SETBP1: variants seen among roughly 807,000 people sequenced by gnomAD.
SETBP1 encodes the protein SET-binding protein.
SETBP1 carries 9 observed loss-of-function variants against 101.0 expected under a neutral mutation model. The observed-to-expected ratio is 0.09, with a 90% confidence interval of 0.05 to 0.16. SETBP1 has a LOEUF of 0.16. Ranked by LOEUF, SETBP1 falls within the 10% of genes least tolerant of loss-of-function variation. The probability of loss-of-function intolerance (pLI) is 1.00; values close to 1 mark genes in which losing one functional copy is unlikely to be tolerated. For synonymous variants in SETBP1, 818 were observed against 788.5 expected (o/e 1.04, Z -0.63); for missense variants, 1,858 against 2,033.8 (o/e 0.91, Z 1.66).
At chr18:44,809,929 G>A (rs2071825529) in intron 2 of SETBP1, among the ~76,000 whole-genome samples, 1 of 152,206 alleles carries the variant, frequency 6.6e-6, no homozygotes, top group African/African-American at 2.4e-5. Flanking sequence ...AATAGCTAGT[G>A]TTGAGACCAC....
intron 4 of SETBP1, among the ~76,000 whole-genome samples, chr18:44,983,702 G>A (rs1039074197): frequency 5.3e-5 from 8 of 152,150 alleles, no homozygotes; most frequent in East Asian, 1.9e-4. Context: ...CAACAGCCAT[G>A]AGCCCATCAC....
At chr18:44,876,483 G>T in intron 3 of SETBP1, 2 of 950,310 alleles carry the variant, frequency 2.1e-6, no homozygotes, top group East Asian at 2.6e-5. Flanking sequence ...CTGTAGTGTG[G>T]ATTGAATTGG....
intron 3 of SETBP1, among the ~76,000 whole-genome samples, chr18:44,906,196 G>T (rs1448863543): frequency 6.6e-6 from 1 of 152,164 alleles, no homozygotes; most frequent in Non-Finnish European, 1.5e-5. Context: ...TCCAGAACTG[G>T]TCTGATTCTT....
chr18:44,734,675 T>C (rs2144420256), intron 2 of SETBP1, among the ~76,000 whole-genome samples: 1 of 152,264 alleles, frequency 6.6e-6, no homozygotes, highest in Non-Finnish European at 1.5e-5. Flanking sequence ...CCTTCCTTCC[T>C]GGTGTCCTCA....
chr18:44,868,655 A>C (rs2069182392), intron 2 of SETBP1, among the ~76,000 whole-genome samples: 1 of 146,364 alleles, frequency 6.8e-6, no homozygotes, highest in Non-Finnish European at 1.5e-5. Flanking sequence ...AGATCATGCC[A>C]CTGTACTCCA....
intron 4 of SETBP1, among the ~76,000 whole-genome samples, chr18:44,992,833 C>G (rs565325395): frequency 6.6e-6 from 1 of 152,116 alleles, no homozygotes; most frequent in East Asian, 1.9e-4. Flanking sequence ...GAACATTGAT[C>G]ACTCTCAAAC....
intron 2 of SETBP1, among the ~76,000 whole-genome samples, chr18:44,806,529 A>G (rs1362147663): frequency 6.7e-6 from 1 of 148,726 alleles, no homozygotes; most frequent in East Asian, 2.0e-4. Flanking sequence ...TGTGACTACT[A>G]GTAACACTTA....
intron 3 of SETBP1, among the ~76,000 whole-genome samples, chr18:44,926,505 C>T (rs2070708158): frequency 6.6e-6 from 1 of 152,146 alleles, no homozygotes; most frequent in Non-Finnish European, 1.5e-5. Flanking sequence ...CCCTCAGGGG[C>T]CCTCCCAGCT....
chr18:44,713,369 C>A (rs1040906153), intron 2 of SETBP1, among the ~76,000 whole-genome samples: 1 of 152,136 alleles, frequency 6.6e-6, no homozygotes, highest in Non-Finnish European at 1.5e-5. Flanking sequence ...TCGCGGCAGC[C>A]CTTGTTTCAG....
chr18:44,847,792 G>A (rs970575243), intron 2 of SETBP1, among the ~76,000 whole-genome samples: 14 of 152,118 alleles, frequency 9.2e-5, no homozygotes, highest in African/African-American at 2.2e-4. Context: ...AAGATAAGCC[G>A]GGTCCAGAAG....
At chr18:44,748,241 G>C (rs899884212) in intron 2 of SETBP1, among the ~76,000 whole-genome samples, 1 of 152,168 alleles carries the variant, frequency 6.6e-6, no homozygotes, top group Admixed American at 6.5e-5. Flanking sequence ...TGCTCTCAAG[G>C]ATCCTCATGC....
intron 3 of SETBP1, among the ~76,000 whole-genome samples, chr18:44,882,706 G>C (rs2069558052): frequency 6.6e-6 from 1 of 152,116 alleles, no homozygotes; most frequent in South Asian, 2.1e-4. Context: ...TTTTAGATGG[G>C]AAGGCAGACA....
chr18:44,988,127 T>C (rs1239184471), intron 4 of SETBP1: 11 of 152,222 alleles, frequency 7.2e-5, no homozygotes, highest in Non-Finnish European at 1.6e-4. Flanking sequence ...TTCATACGAT[T>C]TGGAAAAGAA....
chr18:44,747,371 A>G (rs920202376), intron 2 of SETBP1, among the ~76,000 whole-genome samples: 2 of 152,242 alleles, frequency 1.3e-5, no homozygotes, highest in East Asian at 3.8e-4. Context: ...TCAGCATCCC[A>G]GGAAAAGGGA....
chr18:44,869,444 C>G, intron 3 of SETBP1, 161 bp downstream of exon 3: 3 of 710,680 alleles, frequency 4.2e-6, no homozygotes, highest in Admixed American at 4.0e-5. Flanking sequence ...CTCTCCTCCT[C>G]CAGCTCCTCT....
At chr18:44,919,522 G>A (rs970170139) in intron 3 of SETBP1, among the ~76,000 whole-genome samples, 5 of 151,890 alleles carry the variant, frequency 3.3e-5, no homozygotes, top group African/African-American at 1.2e-4. Flanking sequence ...GCTAATTTTT[G>A]TATTTTTAGT....
intron 4 of SETBP1, among the ~76,000 whole-genome samples, chr18:44,977,993 A>G (rs1312005734): frequency 6.6e-6 from 1 of 152,128 alleles, no homozygotes; most frequent in East Asian, 1.9e-4. Context: ...TGCTCTTTCT[A>G]TTCTTGAATC....
At chr18:44,822,464 C>T (rs182944959) in intron 2 of SETBP1, among the ~76,000 whole-genome samples, 2 of 152,300 alleles carry the variant, frequency 1.3e-5, no homozygotes, top group Admixed American at 1.3e-4. Context: ...AAATAAGATC[C>T]AATCAAAATG....
intron 3 of SETBP1, among the ~76,000 whole-genome samples, chr18:44,890,385 CTT>C (rs1481343380): frequency 6.6e-6 from 1 of 152,062 alleles, no homozygotes; most frequent in African/African-American, 2.4e-5. Flanking sequence ...ACAGTAGATT[CTT>C]TTGTGTCCTG....
Sources: gnomAD v4.1 joint callset for allele counts (sites outside exome capture counted in the v4.1 genomes callset) on GRCh38, gnomAD v4.1.1 for gene constraint, MANE v1.5 for transcripts, NCBI Gene and HGNC (gene_info 2026-07-23, HGNC 2026-07-21) for gene names.